The following KLHL34 variants were observed in gnomAD, a reference collection of about 807,000 sequenced individuals.
The protein encoded by KLHL34 is kelch like family member 34.
Under a neutral mutation model 23.8 loss-of-function variants are expected in KLHL34, and 24 were observed. The observed-to-expected ratio is 1.01, with a 90% CI of 0.73 to 1.42. The LOEUF is 1.42. Among genes scored for constraint, KLHL34 ranks in the 40% most tolerant of loss-of-function variants. The pLI is 0.00. For missense variants in KLHL34, 652 were observed against 595.1 expected (o/e 1.10, Z -0.99); for synonymous variants, 303 against 287.9 (o/e 1.05, Z -0.53).
At position 21,656,726 on chromosome X, in the gene KLHL34, G is replaced by A; in HGVS notation, c.1063C>T (p.Pro355Ser). ...GTGCACACGCTGTGCCCCAGCAGTG[G>A]TGTGGGTAGCTGCGTAAGGCTGCGC... The part of the protein sequence containing the change: ...RWRSLTQLPT[P>S]LLGHSVCTAG... Residue 355 changes from proline to serine, a missense_variant, in exon 1 of 1, where the codon CCA (proline) becomes TCA (serine). By Grantham distance (74) the Pro-to-Ser change is moderately conservative. Transcript: ENST00000379499. 3 of 1,206,046 alleles carry A rather than the reference G, an allele frequency of 2.5e-6. No homozygotes were observed. Among genetic ancestry groups the A allele is most frequent in the Non-Finnish European group, 2.2e-6 (2 of 892,982 alleles).
chrX:21,655,998 G>A lies in KLHL34; in HGVS notation c.1791C>T (p.Leu597=). The A allele has an allele frequency of 1.7e-6, 2 of 1,209,834 alleles. No individual in the cohort carries two copies. Among genetic ancestry groups the A allele is most frequent in the Non-Finnish European group, 2.2e-6 (2 of 894,708 alleles). ...CGATGTCCTCCCAACGGTCCAGGTC[G>A]AGGTCGTAGCCCACTACGTTGCGGG... The part of the protein sequence containing the change: ...VPTRNVVGYD[L]DLDRWEDIGC... The change falls in exon 1 of 1, where the codon CTC becomes CTT. Residue 597 remains leucine (L), a synonymous_variant. Coordinates refer to ENST00000379499, the MANE Select transcript of KLHL34 (RefSeq NM_153270.3).
rs1019650941 is a variant in KLHL34, at chrX:21,657,299, G to A, written c.490C>T (p.Arg164Trp). The A allele has an allele frequency of 2.5e-5, 29 of 1,152,577 alleles. No individual in the cohort carries two copies. The highest frequency in any genetic ancestry group is 2.5e-4 in the Middle Eastern group (1 of 3,970). The allele number at this position is 1,152,577 out of a possible 1,213,427, so 95.0% of individuals were successfully genotyped here. A position where few individuals can be genotyped will look rare whatever the true frequency, so the allele number is the denominator to read the frequency against. Residue 164 changes from arginine to tryptophan, a missense_variant, in exon 1 of 1, where the codon CGG becomes TGG. By Grantham distance (101) the Arg-to-Trp change is moderately radical (BLOSUM62 -3). Coordinates refer to ENST00000379499, the MANE Select transcript of KLHL34 (RefSeq NM_153270.3). ...AGGAGTCCCGCGGGGCCCGCGCCCCGCGCCAGCAGCTCCTGCAAGTGGCTC... is the reference window on the plus strand; with the variant it reads ...AGGAGTCCCGCGGGGCCCGCGCCCCACGCCAGCAGCTCCTGCAAGTGGCTC... ...IVSHLQELLA[R>W]GAGPAGLLEL...
Position 21,656,362 on chromosome X carries a change from A to G in KLHL34, c.1427T>C (p.Val476Ala). The change falls in exon 1 of 1, where the codon GTG (valine) becomes GCG (alanine). Residue 476 changes from valine (V) to alanine (A), a missense_variant. Val to Ala is a moderately conservative substitution (Grantham distance 64, BLOSUM62 0). Transcript: ENST00000379499. The part of the protein sequence containing the change: ...HAGAVGDRGV[V>A]YISGGKAGRG... ...CCCTGCCTTGCCCCCCGAGATGTAC[A>G]CAACACCGCGGTCCCCGACGGCCCC... is the stretch of plus-strand genomic sequence containing the variant. The G allele has an allele frequency of 8.3e-7, 1 of 1,198,275 alleles. No homozygotes were observed. Among genetic ancestry groups the G allele is most frequent in the Non-Finnish European group, 1.1e-6 (1 of 889,651 alleles).
At position 21,657,640 on chromosome X, in the gene KLHL34, G is replaced by C; in HGVS notation, c.149C>G (p.Ser50Cys). ...GAACAGGGCCCTGAAGTAGTCACTG[G>C]AGCACGCCAGGAGCGACCTGTGCGC... ...FPAHRSLLACSSDYFRALFKS... is the reference protein window; with the variant it reads ...FPAHRSLLACCSDYFRALFKS... Residue 50 changes from serine to cysteine, a missense_variant, in exon 1 of 1, where the codon TCC (serine) becomes TGC (cysteine). Coordinates refer to ENST00000379499, the MANE Select transcript of KLHL34 (RefSeq NM_153270.3). 1 of 1,208,259 alleles carries C rather than the reference G, an allele frequency of 8.3e-7. No individual in the cohort carries two copies. Among genetic ancestry groups the C allele is most frequent in the Non-Finnish European group, 1.1e-6 (1 of 895,090 alleles).
At position 21,657,413 on chromosome X, in the gene KLHL34, G is replaced by A. The variant is rs867906838; in HGVS notation, c.376C>T (p.Leu126=). 8.4e-7 allele frequency: 1 copy of A among 1,186,415 alleles called. No homozygotes were observed. The highest frequency in any genetic ancestry group is 1.1e-6 in the Non-Finnish European group (1 of 883,040). Reference sequence around the variant, plus strand: ...GCGAAGCAGCAGTTCTCTGGAGCCAGCTGGCGCTCCAAGTAGCGCCCACAG... The same window carrying A: ...GCGAAGCAGCAGTTCTCTGGAGCCAACTGGCGCTCCAAGTAGCGCCCACAG... ...GLCGRYLERQ[L]APENCCFAAN... Residue 126 remains leucine (L), a synonymous_variant, in exon 1 of 1, where the codon CTG becomes TTG. Transcript: ENST00000379499.
At position 21,656,379 on chromosome X, in the gene KLHL34, G is replaced by T. The variant is rs373279868; in HGVS notation, c.1410C>A (p.Val470=). ...PRALHGHAGA[V]GDRGVVYISG... ...AGATGTACACAACACCGCGGTCCCC[G>T]ACGGCCCCCGCGTGACCGTGCAGAG... is the stretch of plus-strand genomic sequence containing the variant. Residue 470 remains valine (V), a synonymous_variant, in exon 1 of 1, where the codon GTC becomes GTA. Transcript: ENST00000379499. The T allele has an allele frequency of 3.0e-4, 359 of 1,191,384 alleles. No homozygotes were observed. The highest frequency in any genetic ancestry group is 3.8e-4 in the Non-Finnish European group (339 of 887,546).
rs1157134449 is a variant in KLHL34 at position 21,655,468 on chromosome X, CT to C, written c.*385del. On this transcript the variant is annotated 3_prime_UTR_variant, in exon 1 of 1. Coordinates refer to ENST00000379499, the MANE Select transcript of KLHL34 (RefSeq NM_153270.3). ...AACTTCCTGTGGTACATTTTTTGGC[CT>C]TTTTTTTTTTTTTTTTTTTTTGGCA... The C allele has an allele frequency of 0.015, 993 of 66,661 alleles. 2 individuals carry two copies. Among genetic ancestry groups the C allele is most frequent in the Middle Eastern group, 0.039 (3 of 76 alleles). The allele number at this position is 66,661 out of a possible 1,213,427, so 5.5% of individuals were successfully genotyped here. A position where few individuals can be genotyped will look rare whatever the true frequency, so the allele number is the denominator to read the frequency against.
At position 21,657,392 on chromosome X, in the gene KLHL34, A is replaced by G; in HGVS notation, c.397T>C (p.Phe133Leu). 8.5e-7 allele frequency: 1 copy of G among 1,176,293 alleles called. No individual in the cohort carries two copies. The highest frequency in any genetic ancestry group is 1.1e-6 in the Non-Finnish European group (1 of 877,026). ...AAGCGCGCTGCCACGTTGGCGGCGA[A>G]GCAGCAGTTCTCTGGAGCCAGCTGG... ...ERQLAPENCC[F>L]AANVAARFGL... Residue 133 changes from phenylalanine (F) to leucine (L), a missense_variant, in exon 1 of 1, where the codon TTC (phenylalanine) becomes CTC (leucine). Transcript: ENST00000379499.
rs1308538438 is a variant in KLHL34 at position 21,657,200 on chromosome X, G to A, written c.589C>T (p.Leu197=). 1.5e-5 allele frequency: 18 copies of A among 1,199,875 alleles called. No homozygotes were observed. The highest frequency in any genetic ancestry group is 2.3e-4 in the Middle Eastern group (1 of 4,257). Residue 197 remains leucine, a synonymous_variant, in exon 1 of 1, where the codon CTG becomes TTG. Coordinates refer to ENST00000379499, the MANE Select transcript of KLHL34 (RefSeq NM_153270.3). ...DVARVPEARL[L]GLALAWLRQE... is the part of the protein sequence containing the mutation. Reference sequence around the variant, plus strand: ...CGCAACCAAGCTAACGCCAGGCCCAGTAGCCGGGCCTCGGGCACCCGCGCC... The same window carrying A: ...CGCAACCAAGCTAACGCCAGGCCCAATAGCCGGGCCTCGGGCACCCGCGCC...
Position 21,657,618 on chromosome X carries a change from CA to C in KLHL34, c.170del (p.Leu57ArgfsTer13). The C allele has an allele frequency of 8.3e-7, 1 of 1,209,661 alleles. No homozygotes were observed. ...GGGATTCCTGGGTGTGGCTCTTGAACAGGGCCCTGAAGTAGTCACTGGAGCA... is the reference window on the plus strand; with the variant it reads ...GGGATTCCTGGGTGTGGCTCTTGAACGGGCCCTGAAGTAGTCACTGGAGCA... ...LACSSDYFRALFKSHTQESRA... is the reference protein window; with the variant it reads ...LACSSDYFRAXFKSHTQESRA... On this transcript the variant is annotated frameshift_variant, in exon 1 of 1. Transcript: ENST00000379499. LOFTEE classifies it high-confidence loss of function.
Position 21,656,795 on chromosome X carries a change from G to C in KLHL34, c.994C>G (p.Leu332Val). ...EEEEEEEEWE[L>V]TQNVVAFDVY... ...TCGAAGGCCACCACGTTCTGGGTGA[G>C]CTCCCACTCCTCCTCCTCCTCCTCT... The change falls in exon 1 of 1, where the codon CTC becomes GTC. Residue 332 changes from leucine to valine, a missense_variant. Physicochemically the swap from Leu to Val is conservative, Grantham distance 32. Coordinates refer to ENST00000379499, the MANE Select transcript of KLHL34 (RefSeq NM_153270.3). The C allele has an allele frequency of 2.5e-6, 3 of 1,194,281 alleles. No homozygotes were observed. The highest frequency in any genetic ancestry group is 3.4e-6 in the Non-Finnish European group (3 of 886,658).
chrX:21,655,877 C>T lies in KLHL34; in HGVS notation c.1912G>A (p.Ala638Thr). 1 of 1,193,131 alleles carries T rather than the reference C, an allele frequency of 8.4e-7. No individual in the cohort carries two copies. Among genetic ancestry groups the T allele is most frequent in the Non-Finnish European group, 1.1e-6 (1 of 885,199 alleles). The change falls in exon 1 of 1, where the codon GCG becomes ACG. Residue 638 changes from alanine (A) to threonine (T), a missense_variant. Ala to Thr is a moderately conservative substitution (Grantham distance 58, BLOSUM62 0). Transcript: ENST00000379499. ...DDEREGEVGE[A>T]LDLVLG ...ATTCAGCCCAGCACCAAATCTAGCG[C>T]CTCTCCAACCTCTCCCTCCCTCTCG...
chrX:21,657,534 G>A lies in KLHL34; in HGVS notation c.255C>T (p.Asp85=), dbSNP rs2092735259. ...GCGACAGCCAGGCAGTGTAGATGAA[G>A]TCCAGCAGGCGCTGCAGGCCGGCTG... ...PSAAGLQRLL[D]FIYTAWLSLS... The change falls in exon 1 of 1, where the codon GAC becomes GAT. Residue 85 remains aspartate, a synonymous_variant. Transcript: ENST00000379499. 8.3e-7 allele frequency: 1 copy of A among 1,210,105 alleles called. No individual in the cohort carries two copies. Among genetic ancestry groups the A allele is most frequent in the East Asian group, 3.0e-5 (1 of 33,740 alleles).
Position 21,657,010 on chromosome X carries a change from G to T in KLHL34, c.779C>A (p.Thr260Lys), listed in dbSNP as rs1278875235. The T allele has an allele frequency of 8.6e-7, 1 of 1,166,157 alleles. No homozygotes were observed. Among genetic ancestry groups the T allele is most frequent in the Non-Finnish European group, 1.1e-6 (1 of 871,407 alleles). Residue 260 changes from threonine (T) to lysine (K), a missense_variant, in exon 1 of 1, where the codon ACG (threonine) becomes AAG (lysine). By Grantham distance (78) the Thr-to-Lys change is moderately conservative. Transcript: ENST00000379499. ...GLIIQALNYH[T>K]TPSRQPLMQG... ...CATGAGCGGCTGGCGGGAGGGCGTC[G>T]TGTGGTAGTTGAGGGCCTGGATGAT...
At position 21,658,100 on chromosome X, in the gene KLHL34, G is replaced by A. The variant is rs963707946; in HGVS notation, c.-312C>T. 1.8e-5 allele frequency: 4 copies of A among 220,728 alleles called. No homozygotes were observed. The highest frequency in any genetic ancestry group is 1.6e-3 in the Middle Eastern group (1 of 638). 18.2% of individuals were successfully genotyped at this position (220,728 alleles called of 1,213,427 possible). ...CGACTGCCGAGGCTTCCAGCGCGTT[G>A]CCCGAAGTCCCCTCCCCGGCCCAAT... On this transcript the variant is annotated 5_prime_UTR_variant, in exon 1 of 1. Coordinates refer to ENST00000379499, the MANE Select transcript of KLHL34 (RefSeq NM_153270.3).
rs1359987012 is a variant in KLHL34, at chrX:21,656,399, G to A, written c.1390C>T (p.His464Tyr). 2 of 1,192,426 alleles carry A rather than the reference G, an allele frequency of 1.7e-6. No homozygotes were observed. Among genetic ancestry groups the A allele is most frequent in the Admixed American group, 4.5e-5 (2 of 44,564 alleles). ...TAAGALPRAL[H>Y]GHAGAVGDRG... ...TCCCCGACGGCCCCCGCGTGACCGT[G>A]CAGAGCCCGCGGTAGTGCCCCAGCC... Residue 464 changes from histidine to tyrosine, a missense_variant, in exon 1 of 1, where the codon CAC becomes TAC. By Grantham distance (83) the His-to-Tyr change is moderately conservative. Coordinates refer to ENST00000379499, the MANE Select transcript of KLHL34 (RefSeq NM_153270.3).
In KLHL34 at chrX:21,657,342, C is replaced by G; in HGVS notation, c.447G>C (p.Ala149=). 3 of 1,159,729 alleles carry G rather than the reference C, an allele frequency of 2.6e-6. No individual in the cohort carries two copies. The highest frequency in any genetic ancestry group is 3.2e-5 in the East Asian group (1 of 31,159). ...ARFGLAHTLD[A]AERCIVSHLQ... ...AGTGGCTCACGATGCAGCGCTCGGCCGCGTCCAGCGTGTGAGCCAGGCCAA... is the reference window on the plus strand; with the variant it reads ...AGTGGCTCACGATGCAGCGCTCGGCGGCGTCCAGCGTGTGAGCCAGGCCAA... Residue 149 remains alanine (A), a synonymous_variant, in exon 1 of 1, where the codon GCG becomes GCC. Transcript: ENST00000379499.
chrX:21,657,185 C>A lies in KLHL34; in HGVS notation c.604G>T (p.Ala202Ser), dbSNP rs2147354279. ...PEARLLGLAL[A>S]WLRQEPTTER... ...GTTGTGGGCTCCTGCCGCAACCAAG[C>A]TAACGCCAGGCCCAGTAGCCGGGCC... The change falls in exon 1 of 1, where the codon GCT becomes TCT. Residue 202 changes from alanine to serine, a missense_variant. Transcript: ENST00000379499. The A allele has an allele frequency of 8.3e-7, 1 of 1,204,007 alleles. No homozygotes were observed. Among genetic ancestry groups the A allele is most frequent in the East Asian group, 3.0e-5 (1 of 33,625 alleles).
At position 21,657,137 on chromosome X, in the gene KLHL34, CTG is replaced by C. The variant is rs1250279712; in HGVS notation, c.650_651del (p.Thr217ArgfsTer79). The C allele has an allele frequency of 3.3e-6, 4 of 1,205,930 alleles. No homozygotes were observed. The highest frequency in any genetic ancestry group is 4.5e-6 in the Non-Finnish European group (4 of 894,119). On this transcript the variant is annotated frameshift_variant, in exon 1 of 1. Transcript: ENST00000379499. LOFTEE classifies it high-confidence loss of function. ...CCAAAGCGGACACGCTCCAGCAACT[CTG>C]TACAGTGTGCCAGGCGCTCAGTTGT... ...EPTTERLAHCTELLERVRFGL... is the reference protein window; with the variant it reads ...EPTTERLAHCXELLERVRFGL...
Sources: gnomAD v4.1 joint callset for allele counts on GRCh38, gnomAD v4.1.1 for gene constraint, MANE v1.5 for transcripts, NCBI Gene and HGNC (gene_info 2026-07-23, HGNC 2026-07-21) for gene names.